The following PARD3B variants were observed in gnomAD, a reference collection of about 807,000 sequenced individuals.
PARD3B encodes the protein par-3 family cell polarity regulator beta.
Under a neutral mutation model 130.2 loss-of-function variants are expected in PARD3B, and 103 were observed. The ratio of observed to expected loss-of-function variants is 0.79; its 90% CI spans 0.67 to 0.93. PARD3B has a LOEUF of 0.93. PARD3B is among the 40% of genes least tolerant of loss of function. PARD3B has a pLI of 0.00. For missense variants in PARD3B, 1,609 were observed against 1,499.2 expected, an observed-to-expected ratio of 1.07 and a Z score of -1.21; for synonymous variants, 583 against 553.2, an observed-to-expected ratio of 1.05 and a Z score of -0.76.
intron 20 of PARD3B, among the ~76,000 whole-genome samples, chr2:205,441,292 G>A (rs1007681335): frequency 2.6e-5 from 4 of 152,164 alleles, no homozygotes; most frequent in African/African-American, 9.7e-5. Context: ...GCTAAGGAGA[G>A]AGATAATAGG....
intron 19 of PARD3B, among the ~76,000 whole-genome samples, chr2:205,431,412 G>A (rs1235603445): frequency 2.0e-5 from 3 of 151,978 alleles, no homozygotes; most frequent in Non-Finnish European, 4.4e-5. Context: ...GAAATGAAAC[G>A]TATATGGGAG....
intron 19 of PARD3B, among the ~76,000 whole-genome samples, chr2:205,428,761 G>C (rs1351347414): frequency 6.6e-6 from 1 of 152,106 alleles, no homozygotes; most frequent in East Asian, 1.9e-4. Flanking sequence ...TGTTAAATTT[G>C]AATCAGAAAT....
intron 18 of PARD3B, among the ~76,000 whole-genome samples, chr2:205,372,674 C>A (rs2044869167): frequency 6.6e-6 from 1 of 152,200 alleles, no homozygotes; most frequent in Non-Finnish European, 1.5e-5. Context: ...ATCCACACTG[C>A]ATAAAATTAA....
chr2:205,134,158 C>A (rs530996265), intron 10 of PARD3B, among the ~76,000 whole-genome samples: 1 of 152,274 alleles, frequency 6.6e-6, no homozygotes, highest in African/African-American at 2.4e-5. Context: ...TGCTTAGTTT[C>A]CATTTATCTC....
intron 2 of PARD3B, among the ~76,000 whole-genome samples, chr2:204,891,186 C>CT (rs57462873): frequency 0.11 from 15,515 of 138,474 alleles, 1,025 homozygotes; most frequent in East Asian, 0.26. Context: ...AAGTCCTTTT[C>CT]TTTTTTTTTT....
intron 19 of PARD3B, among the ~76,000 whole-genome samples, chr2:205,433,266 C>A (rs2047398738): frequency 6.6e-6 from 1 of 152,138 alleles, no homozygotes; most frequent in Non-Finnish European, 1.5e-5. Context: ...GGCACGGTGG[C>A]TCATGCCTAT....
intron 5 of PARD3B, among the ~76,000 whole-genome samples, chr2:205,106,525 G>GTA (rs1470150421): frequency 8.6e-6 from 1 of 116,460 alleles, no homozygotes; most frequent in Non-Finnish European, 1.8e-5. Flanking sequence ...GTGTGTGTGT[G>GTA]TGTGTATATT....
intron 2 of PARD3B, among the ~76,000 whole-genome samples, chr2:204,770,919 G>C (rs1391960911): frequency 2.6e-5 from 4 of 152,066 alleles, no homozygotes; most frequent in Non-Finnish European, 2.9e-5. Context: ...AGCAGCCTGA[G>C]CTCTGCTTTT....
chr2:204,909,858 G>T (rs2047171336), intron 2 of PARD3B, among the ~76,000 whole-genome samples: 1 of 152,064 alleles, frequency 6.6e-6, no homozygotes, highest in African/African-American at 2.4e-5. Flanking sequence ...TTCCTTTATT[G>T]CTATGCTTAG....
intron 20 of PARD3B, among the ~76,000 whole-genome samples, chr2:205,491,533 A>G (rs1478909102): frequency 6.6e-6 from 1 of 152,152 alleles, no homozygotes; most frequent in Non-Finnish European, 1.5e-5. Context: ...GTTTGAAGTC[A>G]GGTAGTGTGA....
intron 20 of PARD3B, among the ~76,000 whole-genome samples, chr2:205,476,523 T>C (rs1575115564): frequency 6.6e-6 from 1 of 152,190 alleles, no homozygotes; most frequent in East Asian, 1.9e-4. Flanking sequence ...CTGTATCCAC[T>C]GGGTCTATGT....
rs1266386414 is a variant in PARD3B, at chr2:205,407,450, T to A, written c.2741+6327T>A. 1.3e-5 allele frequency among the ~76,000 whole-genome samples: 2 copies of A among 152,232 alleles called. No individual in the cohort carries two copies. Among genetic ancestry groups the A allele is most frequent in the Non-Finnish European group, 2.9e-5 (2 of 68,030 alleles). ...AAATTAAATTAGCATTTTTCACACATTCAGATTATGTAAATTAGCATCTTG... is the reference window on the plus strand; with the variant it reads ...AAATTAAATTAGCATTTTTCACACAATCAGATTATGTAAATTAGCATCTTG... On this transcript the variant is annotated intron_variant, in intron 19 of 22. Coordinates refer to ENST00000406610, the MANE Select transcript of PARD3B (RefSeq NM_001302769.2). This position sits in a 1 kb window ranked among gnomAD's most constrained non-coding sequence, Gnocchi z 4.1.
At chr2:205,567,276 T>A (rs1559224374) in intron 22 of PARD3B, among the ~76,000 whole-genome samples, 2 of 150,728 alleles carry the variant, frequency 1.3e-5, no homozygotes, top group African/African-American at 4.9e-5. Flanking sequence ...AATTGATGAA[T>A]TTGGATAAAG....
intron 20 of PARD3B, among the ~76,000 whole-genome samples, chr2:205,468,785 T>A (rs1265978836): frequency 6.6e-6 from 1 of 152,228 alleles, no homozygotes; most frequent in Non-Finnish European, 1.5e-5. Context: ...TGCAGTCATC[T>A]GGACAAGGCC....
chr2:205,025,164 C>T (rs73054967), intron 3 of PARD3B, among the ~76,000 whole-genome samples: 15 of 152,250 alleles, frequency 9.9e-5, no homozygotes, highest in African/African-American at 3.4e-4. Context: ...GATTTTAGGT[C>T]GGGCAAGAGT....
chr2:204,597,450 G>C (rs1390691592), intron 1 of PARD3B, among the ~76,000 whole-genome samples: 2 of 152,164 alleles, frequency 1.3e-5, no homozygotes, highest in African/African-American at 4.8e-5. Flanking sequence ...ACTACAGGAA[G>C]CCAGTTTAAG....
Position 204,545,713 on chromosome 2 carries a change from G to GGGAGGA in PARD3B, c.-273_-268dup, listed in dbSNP as rs1233311761. ...GCCTGGGCCGGGCAGGAGTAGGAGC[G>GGGAGGA]GGAGGAGGAGGAGGAGGAGCCGGTG... is the stretch of plus-strand genomic sequence containing the variant. On this transcript the variant is annotated 5_prime_UTR_variant, in exon 1 of 23. Coordinates refer to ENST00000406610, the MANE Select transcript of PARD3B (RefSeq NM_001302769.2). 4.5e-6 allele frequency: 1 copy of GGGAGGA among 223,708 alleles called. No homozygotes were observed. The highest frequency in any genetic ancestry group is 7.4e-6 in the Non-Finnish European group (1 of 135,810). The allele number at this position is 223,708 out of a possible 1,614,324, so 13.9% of individuals were successfully genotyped here.
In PARD3B at chr2:205,397,013, C is replaced by G. The variant is rs1001982171; in HGVS notation, c.2631-4000C>G. Among the ~76,000 whole-genome samples, 7 of 151,956 alleles carry G rather than the reference C, an allele frequency of 4.6e-5. No homozygotes were observed. Among genetic ancestry groups the G allele is most frequent in the Non-Finnish European group, 7.4e-5 (5 of 68,026 alleles). ...AAGTCACCAAGTTGAATCTTTCCCC[C>G]TCACTCTCTCCCCCGGTCCACTACT... On this transcript the variant is annotated intron_variant, in intron 18 of 22. Coordinates refer to ENST00000406610, the MANE Select transcript of PARD3B (RefSeq NM_001302769.2). This position sits in a 1 kb window ranked among gnomAD's most constrained non-coding sequence, Gnocchi z 4.8.
At chr2:205,161,833 GT>G (rs1460412505) in intron 11 of PARD3B, among the ~76,000 whole-genome samples, 2 of 152,104 alleles carry the variant, frequency 1.3e-5, no homozygotes, top group African/African-American at 2.4e-5. Flanking sequence ...TTCTCAAGGT[GT>G]TTTTCCCTTT....
Sources: gnomAD v4.1 joint callset for allele counts (sites outside exome capture counted in the v4.1 genomes callset) on GRCh38, gnomAD v4.1.1 for gene constraint, Gnocchi (gnomAD v3.1) non-coding constraint, MANE v1.5 for transcripts, NCBI Gene and HGNC (gene_info 2026-07-23, HGNC 2026-07-21) for gene names.